The following CHRNG variants were observed in gnomAD, a reference collection of about 807,000 sequenced individuals.
CHRNG encodes cholinergic receptor nicotinic gamma subunit.
A neutral mutation model predicts 65.2 loss-of-function variants in CHRNG; 72 were observed. The observed-to-expected ratio is 1.10, with a 90% CI of 0.91 to 1.34. The LOEUF is 1.34. Ranked by LOEUF, CHRNG falls within the 40% of genes most tolerant of loss-of-function variation. The probability of loss-of-function intolerance (pLI) is 0.00; values close to 1 mark genes in which losing one functional copy is unlikely to be tolerated. For synonymous variants in CHRNG, 284 were observed against 290.2 expected (o/e 0.98, Z 0.22); for missense variants, 637 against 680.1 (o/e 0.94, Z 0.70).
chr2:232,547,244 C>T lies in CHRNG; in HGVS notation c.*1528C>T, dbSNP rs1341055508. Among the ~76,000 whole-genome samples the T allele has an allele frequency of 2.0e-5, 3 of 152,058 alleles. No homozygotes were observed. The highest frequency in any genetic ancestry group is 4.4e-5 in the Non-Finnish European group (3 of 68,000). Reference sequence around the variant, plus strand: ...CCAGCCTGGGCAACATGGGGACACCCGGCCTCTACCAAAAAATACAAAACT... The same window carrying T: ...CCAGCCTGGGCAACATGGGGACACCTGGCCTCTACCAAAAAATACAAAACT... On this transcript the variant is annotated 3_prime_UTR_variant, in exon 12 of 12. Coordinates refer to ENST00000651502, the MANE Select transcript of CHRNG (RefSeq NM_005199.5).
Position 232,540,256 on chromosome 2 carries a change from A to C in CHRNG, c.195+125A>C. The C allele has an allele frequency of 6.3e-7, 1 of 1,595,970 alleles. No homozygotes were observed. The highest frequency in any genetic ancestry group is 8.6e-7 in the Non-Finnish European group (1 of 1,165,130). On this transcript the variant is annotated intron_variant, in intron 2 of 11. Transcript: ENST00000651502. The surrounding 1 kb of genome is among the most constrained non-coding windows in gnomAD (Gnocchi z 4.2). ...AATCGGACAGGCTGGGGTCTGGAAA[A>C]CCCCCATGGTTGTGGGGGGAGTACT...
chr2:232,544,359 C>G lies in CHRNG; in HGVS notation c.1036-8C>G, dbSNP rs1692080317. ...CCTGCTGCCCTAGTGAAGCCACCCCCTCTCTAGGTGTTCCTGAGGCTCTTG... is the reference window on the plus strand; with the variant it reads ...CCTGCTGCCCTAGTGAAGCCACCCCGTCTCTAGGTGTTCCTGAGGCTCTTG... On this transcript the variant is annotated splice_region_variant and splice_polypyrimidine_tract_variant and intron_variant, in intron 9 of 11. Coordinates refer to ENST00000651502, the MANE Select transcript of CHRNG (RefSeq NM_005199.5). The G allele has an allele frequency of 6.2e-7, 1 of 1,608,182 alleles. No homozygotes were observed. Among genetic ancestry groups the G allele is most frequent in the Non-Finnish European group, 8.5e-7 (1 of 1,176,598 alleles).
In CHRNG at chr2:232,542,861, TG is replaced by T; in HGVS notation, c.605-20del. On this transcript the variant is annotated intron_variant, in intron 6 of 11. Coordinates refer to ENST00000651502, the MANE Select transcript of CHRNG (RefSeq NM_005199.5). ...AGCTCACGCTTCTTGTGCCCACTCC[TG>T]CCTGCCTGCCTGCCCGCAGAGAATG... is the stretch of plus-strand genomic sequence containing the variant. 1 of 1,583,326 alleles carries T rather than the reference TG, an allele frequency of 6.3e-7. No homozygotes were observed. The highest frequency in any genetic ancestry group is 1.7e-4 in the Middle Eastern group (1 of 5,990).
Position 232,541,263 on chromosome 2 carries a change from G to T in CHRNG, c.351-111G>T. The T allele has an allele frequency of 2.2e-6, 3 of 1,357,936 alleles. No individual in the cohort carries two copies. The highest frequency in any genetic ancestry group is 3.1e-6 in the Non-Finnish European group (3 of 956,808). The allele number at this position is 1,357,936 out of a possible 1,614,324, so 84.1% of individuals were successfully genotyped here. Reference sequence around the variant, plus strand: ...CAGTCAGGGGGTGACAGGCTGGTAGGGACTGGTGTCCCCAGGCCCCTATCC... The same window carrying T: ...CAGTCAGGGGGTGACAGGCTGGTAGTGACTGGTGTCCCCAGGCCCCTATCC... On this transcript the variant is annotated intron_variant, in intron 4 of 11. Coordinates refer to ENST00000651502, the MANE Select transcript of CHRNG (RefSeq NM_005199.5). This position sits in a 1 kb window ranked among gnomAD's most constrained non-coding sequence, Gnocchi z 4.0.
chr2:232,545,704 C>A lies in CHRNG; in HGVS notation c.1542C>A (p.Pro514=), dbSNP rs1306042761. ...PFPGDPRPYL[P]SPD is the part of the protein sequence containing the mutation. ...CTGGAGATCCACGCCCCTACCTGCC[C>A]TCACCAGACTGAGCCAACCAACCAC... The change falls in exon 12 of 12, where the codon CCC becomes CCA. Residue 514 remains proline (P), a synonymous_variant. Coordinates refer to ENST00000651502, the MANE Select transcript of CHRNG (RefSeq NM_005199.5). 6.2e-7 allele frequency: 1 copy of A among 1,614,180 alleles called. No individual in the cohort carries two copies. Among genetic ancestry groups the A allele is most frequent in the Non-Finnish European group, 8.5e-7 (1 of 1,180,050 alleles).
chr2:232,543,322 A>G lies in CHRNG; in HGVS notation c.853A>G (p.Thr285Ala). ...CGCCATCAACGTGCTCCTGGCCCAG[A>G]CTGTCTTCCTCTTCCTTGTGGCCAA... ...TVAINVLLAQ[T>A]VFLFLVAKKV... Residue 285 changes from threonine (T) to alanine (A), a missense_variant, in exon 8 of 12, where the codon ACT (threonine) becomes GCT (alanine). Coordinates refer to ENST00000651502, the MANE Select transcript of CHRNG (RefSeq NM_005199.5). 1 of 1,614,056 alleles carries G rather than the reference A, an allele frequency of 6.2e-7. No individual in the cohort carries two copies. Among genetic ancestry groups the G allele is most frequent in the Non-Finnish European group, 8.5e-7 (1 of 1,179,990 alleles).
chr2:232,546,301 T>C lies in CHRNG; in HGVS notation c.*585T>C, dbSNP rs1284448544. 7.0e-6 allele frequency: 1 copy of C among 143,528 alleles called. No individual in the cohort carries two copies. Among genetic ancestry groups the C allele is most frequent in the African/African-American group, 2.6e-5 (1 of 38,256 alleles). The allele number at this position is 143,528 out of a possible 1,614,324, so 8.9% of individuals were successfully genotyped here. On this transcript the variant is annotated 3_prime_UTR_variant, in exon 12 of 12. Transcript: ENST00000651502. ...CCACAAGACGATTTCCTGAGTTTTGTAATCCTCTTTTTTTTTTTTTTTTTT... is the reference window on the plus strand; with the variant it reads ...CCACAAGACGATTTCCTGAGTTTTGCAATCCTCTTTTTTTTTTTTTTTTTT...
At position 232,542,424 on chromosome 2, in the gene CHRNG, T is replaced by C. The variant is rs201865286; in HGVS notation, c.508T>C (p.Ser170Pro). Reference protein sequence around the residue: ...DWQNCSLIFQSQTYSTNEIDL... With the variant: ...DWQNCSLIFQPQTYSTNEIDL... Reference sequence around the variant, plus strand: ...GCCTCTTTCCTCGGTGACTCCCAGGTCCCAGACTTACAGCACCAATGAGAT... The same window carrying C: ...GCCTCTTTCCTCGGTGACTCCCAGGCCCCAGACTTACAGCACCAATGAGAT... Residue 170 changes from serine to proline, a missense_variant and splice_region_variant, in exon 6 of 12, where the codon TCC becomes CCC. Ser to Pro is a moderately conservative substitution (Grantham distance 74, BLOSUM62 -1). Transcript: ENST00000651502. 2 of 1,611,776 alleles carry C rather than the reference T, an allele frequency of 1.2e-6. No homozygotes were observed. The highest frequency in any genetic ancestry group is 2.2e-5 in the East Asian group (1 of 44,838).
At chr2:232,542,322 T>C in intron 5 of CHRNG, 101 bp from the exon 6 acceptor site, 2 of 776,174 alleles carry the variant, frequency 2.6e-6, no homozygotes, top group East Asian at 2.6e-5. Context: ...CTGCATTTTG[T>C]TGAAGAAAAG....
Position 232,540,686 on chromosome 2 carries a change from C to T in CHRNG, c.325C>T (p.Arg109Trp), listed in dbSNP as rs150697820. 1.2e-5 allele frequency: 20 copies of T among 1,612,230 alleles called. No homozygotes were observed. The highest frequency in any genetic ancestry group is 1.7e-4 in the Middle Eastern group (1 of 5,950). ...VLRVPSTMVW[R>W]PDIVLENNVD... ...GAGGGTGCCGTCCACCATGGTGTGGCGGCCGGATATCGTGCTGGAGAACAA... is the reference window on the plus strand; with the variant it reads ...GAGGGTGCCGTCCACCATGGTGTGGTGGCCGGATATCGTGCTGGAGAACAA... The change falls in exon 4 of 12, where the codon CGG (arginine) becomes TGG (tryptophan). Residue 109 changes from arginine to tryptophan, a missense_variant. Coordinates refer to ENST00000651502, the MANE Select transcript of CHRNG (RefSeq NM_005199.5). This position sits in a 1 kb window ranked among gnomAD's most constrained non-coding sequence, Gnocchi z 4.2.
At position 232,545,882 on chromosome 2, in the gene CHRNG, G is replaced by T; in HGVS notation, c.*166G>T. 1.2e-6 allele frequency: 1 copy of T among 819,094 alleles called. No individual in the cohort carries two copies. The highest frequency in any genetic ancestry group is 2.0e-6 in the Non-Finnish European group (1 of 497,056). The allele number at this position is 819,094 out of a possible 1,614,324, so 50.7% of individuals were successfully genotyped here. On this transcript the variant is annotated 3_prime_UTR_variant, in exon 12 of 12. Coordinates refer to ENST00000651502, the MANE Select transcript of CHRNG (RefSeq NM_005199.5). ...AAAAGCTGGGGAAACAGTCTGAGCT[G>T]GAGTCCGAGAGTGGTTGGGGGTGGG...
At chr2:232,544,286 C>A in intron 9 of CHRNG, 81 bp from the exon 10 acceptor site, 1 of 1,050,798 alleles carries the variant, frequency 9.5e-7, no homozygotes, top group Non-Finnish European at 1.5e-6. Context: ...TGGTCCCTAG[C>A]AGCACAAGCC....
Position 232,544,554 on chromosome 2 carries a change from T to G in CHRNG, c.1223T>G (p.Leu408Arg). ...TTCCAGCAGTGGCAGCGGCAAGGGC[T>G]GGTGGCGGCAGCGCTGGAGAAGCTA... ...LLFQQWQRQG[L>R]VAAALEKLEK... The change falls in exon 10 of 12, where the codon CTG becomes CGG. Residue 408 changes from leucine to arginine, a missense_variant. By Grantham distance (102) the Leu-to-Arg change is moderately radical. Coordinates refer to ENST00000651502, the MANE Select transcript of CHRNG (RefSeq NM_005199.5). The G allele has an allele frequency of 6.2e-7, 1 of 1,613,492 alleles. No individual in the cohort carries two copies. The highest frequency in any genetic ancestry group is 8.5e-7 in the Non-Finnish European group (1 of 1,179,884).
intron 9 of CHRNG, 91 bp downstream of exon 9, chr2:232,543,790 T>G: frequency 1.3e-6 from 1 of 790,404 alleles, no homozygotes; most frequent in Non-Finnish European, 2.2e-6. Context: ...CCTGTGGCAT[T>G]CCACAGCACA....
Position 232,543,922 on chromosome 2 carries a change from T to C in CHRNG, c.1035+223T>C, listed in dbSNP as rs146347617. Reference sequence around the variant, plus strand: ...ATGTATTTCATCTTCATAAAACCCATATCACCTCCAATTACAGATGAGGAC... The same window carrying C: ...ATGTATTTCATCTTCATAAAACCCACATCACCTCCAATTACAGATGAGGAC... On this transcript the variant is annotated intron_variant, in intron 9 of 11. Coordinates refer to ENST00000651502, the MANE Select transcript of CHRNG (RefSeq NM_005199.5). Among the ~76,000 whole-genome samples the C allele has an allele frequency of 3.1e-3, 465 of 152,336 alleles. 8 individuals carry two copies. Among genetic ancestry groups the C allele is most frequent in the African/African-American group, 0.01 (430 of 41,582 alleles).
Position 232,545,732 on chromosome 2 carries a change from TG to T in CHRNG, c.*20del. The T allele has an allele frequency of 6.2e-7, 1 of 1,613,922 alleles. No homozygotes were observed. Among genetic ancestry groups the T allele is most frequent in the Middle Eastern group, 1.6e-4 (1 of 6,062 alleles). On this transcript the variant is annotated 3_prime_UTR_variant, in exon 12 of 12. Transcript: ENST00000651502. ...ACCAGACTGAGCCAACCAACCACTG[TG>T]GGGCATGTGGGAGTCACACACGTGG...
In CHRNG at chr2:232,540,745, C is replaced by A; in HGVS notation, c.350+34C>A. The A allele has an allele frequency of 6.4e-7, 1 of 1,561,744 alleles. No individual in the cohort carries two copies. The highest frequency in any genetic ancestry group is 8.7e-7 in the Non-Finnish European group (1 of 1,142,898). On this transcript the variant is annotated intron_variant, in intron 4 of 11. Coordinates refer to ENST00000651502, the MANE Select transcript of CHRNG (RefSeq NM_005199.5). This position sits in a 1 kb window ranked among gnomAD's most constrained non-coding sequence, Gnocchi z 4.2. ...GGGGTGCAGGCAGGGGTGTGGGGGA[C>A]AAAGGACACAGGGTCTGGGCCCAGC...
rs1472275077 is a variant in CHRNG at position 232,540,426 on chromosome 2, GTAAGAGGCCACCCTGCCACCCTCC to G, written c.240+3_240+26del. The G allele has an allele frequency of 6.2e-7, 1 of 1,613,962 alleles. No homozygotes were observed. The highest frequency in any genetic ancestry group is 1.1e-5 in the South Asian group (1 of 91,084). ...CACCACCAATGTCTGGATAGAGATGGTAAGAGGCCACCCTGCCACCCTCCTTCCATCAGGGGTCCCACCCCACCA... is the reference window on the plus strand; with the variant it reads ...CACCACCAATGTCTGGATAGAGATGGTTCCATCAGGGGTCCCACCCCACCA... On this transcript the variant is annotated splice_donor_variant and splice_donor_5th_base_variant and intron_variant, in intron 3 of 11. Transcript: ENST00000651502. LOFTEE classifies it high-confidence loss of function. The surrounding 1 kb of genome is among the most constrained non-coding windows in gnomAD (Gnocchi z 4.2).
intron 6 of CHRNG, 99 bp from the exon 7 acceptor site, chr2:232,542,783 T>C: frequency 9.2e-7 from 1 of 1,084,830 alleles, no homozygotes; most frequent in South Asian, 1.3e-5. Flanking sequence ...CTGGTGCTCC[T>C]TAGGGCACAT....
Sources: allele counts gnomAD v4.1 joint callset (sites outside exome capture counted in the v4.1 genomes callset), GRCh38; gene constraint gnomAD v4.1.1; non-coding constraint Gnocchi (gnomAD v3.1); transcripts MANE v1.5; gene names NCBI Gene and HGNC (gene_info 2026-07-23, HGNC 2026-07-21).